CSMD1: variants seen among roughly 807,000 people sequenced by gnomAD.
CSMD1 encodes the protein CUB and sushi domain-containing protein 1.
In CSMD1, 213 loss-of-function variants were observed where a neutral mutation model predicts 417.5. That is an observed-to-expected ratio of 0.51 (90% CI 0.46 to 0.57). The LOEUF is 0.57. CSMD1 is among the 20% of genes least tolerant of loss of function. CSMD1 has a pLI of 0.00. For missense variants in CSMD1, 6,923 were observed against 4,529.7 expected, an observed-to-expected ratio of 1.53 and a Z score of -15.17; for synonymous variants, 2,862 against 1,736.8, an observed-to-expected ratio of 1.65 and a Z score of -16.11.
At chr8:4,966,230 T>A (rs893576345) in intron 1 of CSMD1, among the ~76,000 whole-genome samples, 8 of 105,672 alleles carry the variant, frequency 7.6e-5, no homozygotes, top group South Asian at 3.3e-4. Flanking sequence ...AAAAAAAAAA[T>A]TAGCTGGGTA....
chr8:3,626,175 C>T (rs778263694), intron 7 of CSMD1, among the ~76,000 whole-genome samples: 11 of 152,142 alleles, frequency 7.2e-5, no homozygotes, highest in Non-Finnish European at 1.0e-4. Flanking sequence ...TCTATGCCTC[C>T]GGCTGGCTCC....
chr8:3,072,887 G>C (rs1290852377), intron 49 of CSMD1, among the ~76,000 whole-genome samples: 3 of 152,098 alleles, frequency 2.0e-5, no homozygotes, highest in African/African-American at 7.2e-5. Context: ...TGTTAATTCA[G>C]AGTAATGCAA....
chr8:3,117,992 A>C (rs1272647924), intron 42 of CSMD1, among the ~76,000 whole-genome samples: 1 of 152,222 alleles, frequency 6.6e-6, no homozygotes, highest in Non-Finnish European at 1.5e-5. Flanking sequence ...AAAGCTAAAC[A>C]AAAAGAAACA....
intron 5 of CSMD1, among the ~76,000 whole-genome samples, chr8:3,835,170 G>A (rs1448839380): frequency 6.8e-6 from 1 of 148,124 alleles, no homozygotes; most frequent in Non-Finnish European, 1.5e-5. Flanking sequence ...CGATTCCTCA[G>A]GGATCTAGAA....
At chr8:4,987,684 G>C (rs960001889) in intron 1 of CSMD1, among the ~76,000 whole-genome samples, 1 of 152,148 alleles carries the variant, frequency 6.6e-6, no homozygotes, top group African/African-American at 2.4e-5. Flanking sequence ...GTGTCTATGA[G>C]GATGTTGCCA....
chr8:3,258,162 A>C (rs923332381), intron 26 of CSMD1, among the ~76,000 whole-genome samples: 1 of 152,204 alleles, frequency 6.6e-6, no homozygotes, highest in African/African-American at 2.4e-5. Flanking sequence ...TAAACAGACA[A>C]CCTAAAGAAA....
At chr8:3,329,133 T>C (rs1806727325) in intron 23 of CSMD1, among the ~76,000 whole-genome samples, 1 of 152,060 alleles carries the variant, frequency 6.6e-6, no homozygotes, top group Non-Finnish European at 1.5e-5. Flanking sequence ...AGGTGGAAGA[T>C]ATGTAATTGA....
At chr8:4,139,340 G>T (rs1193967026) in intron 3 of CSMD1, among the ~76,000 whole-genome samples, 1 of 152,178 alleles carries the variant, frequency 6.6e-6, no homozygotes, top group African/African-American at 2.4e-5. Context: ...CAAACGTAAT[G>T]AAAATTTTTT....
intron 1 of CSMD1, among the ~76,000 whole-genome samples, chr8:4,707,870 G>C (rs577626360): frequency 1.1e-4 from 14 of 122,154 alleles, no homozygotes; most frequent in Non-Finnish European, 1.6e-4. Context: ...CTGGGGACAA[G>C]AGCAAGACTT....
In CSMD1 at chr8:2,938,631, G is replaced by T; in HGVS notation, c.10649C>A (p.Ala3550Asp). ...DTNLKPTEAK[A>D]VRFDTTLNTV... is the part of the protein sequence containing the mutation. The stretch of plus-strand genomic sequence containing the variant: ...GTTCAGAGTTGTGTCAAACCTCACA[G>T]CCTTGGCTTCTGTGGGTTTTAAGTT... The change falls in exon 70 of 70, where the codon GCT (alanine) becomes GAT (aspartate). Residue 3550 changes from alanine to aspartate, a missense_variant. Transcript: ENST00000635120. 6.2e-7 allele frequency: 1 copy of T among 1,612,172 alleles called. No individual in the cohort carries two copies. Among genetic ancestry groups the T allele is most frequent in the Non-Finnish European group, 8.5e-7 (1 of 1,179,162 alleles).
chr8:3,742,831 A>G, intron 6 of CSMD1, among the ~76,000 whole-genome samples: 1 of 152,238 alleles, frequency 6.6e-6, no homozygotes, highest in Non-Finnish European at 1.5e-5. Context: ...AAGGAGACCC[A>G]ACTTCTTCAC....
At chr8:4,312,769 G>T (rs898617687) in intron 3 of CSMD1, among the ~76,000 whole-genome samples, 1 of 152,080 alleles carries the variant, frequency 6.6e-6, no homozygotes, top group African/African-American at 2.4e-5. Flanking sequence ...AGCTACTCCG[G>T]AGGCTGAAGC....
At chr8:3,020,522 G>A (rs1585164600) in intron 51 of CSMD1, among the ~76,000 whole-genome samples, 3 of 152,142 alleles carry the variant, frequency 2.0e-5, no homozygotes, top group South Asian at 2.1e-4. Flanking sequence ...GCACCACCAC[G>A]CTCAGCTATT....
At chr8:3,972,107 G>A (rs1008405982) in intron 5 of CSMD1, among the ~76,000 whole-genome samples, 3 of 152,142 alleles carry the variant, frequency 2.0e-5, no homozygotes, top group African/African-American at 7.2e-5. Context: ...CTGGGCTCAA[G>A]AGATCCTCCT....
At chr8:4,500,042 T>C (rs1047314928) in intron 2 of CSMD1, among the ~76,000 whole-genome samples, 13 of 151,198 alleles carry the variant, frequency 8.6e-5, no homozygotes, top group South Asian at 2.1e-4. Flanking sequence ...AGGTGAAAAG[T>C]ATAAAGAGGC....
chr8:4,946,520 G>A (rs1441554784), intron 1 of CSMD1, among the ~76,000 whole-genome samples: 2 of 152,082 alleles, frequency 1.3e-5, no homozygotes, highest in Non-Finnish European at 2.9e-5. Flanking sequence ...CCCCCCAGCT[G>A]CCTCTAACCA....
At chr8:4,058,370 T>C (rs1376487112) in intron 3 of CSMD1, among the ~76,000 whole-genome samples, 2 of 152,182 alleles carry the variant, frequency 1.3e-5, no homozygotes, top group Admixed American at 6.6e-5. Flanking sequence ...CTTGTGATTT[T>C]TGTCCATTGA....
intron 1 of CSMD1, among the ~76,000 whole-genome samples, chr8:4,835,585 C>T (rs187646040): frequency 6.6e-6 from 1 of 152,194 alleles, no homozygotes; most frequent in East Asian, 1.9e-4. Flanking sequence ...ATTATCCTAA[C>T]ACAAATTTTA....
chr8:3,488,593 T>G (rs1232631193), intron 11 of CSMD1, among the ~76,000 whole-genome samples: 3 of 152,194 alleles, frequency 2.0e-5, no homozygotes, highest in Non-Finnish European at 4.4e-5. Flanking sequence ...GGCTAATTCC[T>G]CCTCAAGGCT....
Sources: gnomAD v4.1 joint callset for allele counts (sites outside exome capture counted in the v4.1 genomes callset) on GRCh38, gnomAD v4.1.1 for gene constraint, MANE v1.5 for transcripts, NCBI Gene and HGNC (gene_info 2026-07-23, HGNC 2026-07-21) for gene names.